Variants in RMDN2 observed in about 807,000 individuals in gnomAD.
RMDN2 encodes regulator of microtubule dynamics 2, also known as regulator of microtubule dynamics protein 2.
Under a neutral mutation model 52.8 loss-of-function variants are expected in RMDN2, and 61 were observed. That is an observed-to-expected ratio of 1.16 (90% CI 0.94 to 1.43). The LOEUF is 1.43. Among genes scored for constraint, RMDN2 ranks in the 40% most tolerant of loss-of-function variants. RMDN2 has a pLI of 0.00. For synonymous variants in RMDN2, 180 were observed against 153.1 expected, an observed-to-expected ratio of 1.18 and a Z score of -1.30; for missense variants, 592 against 475.3, an observed-to-expected ratio of 1.25 and a Z score of -2.28.
chr2:37,991,674 C>A (rs1156587967), intron 7 of RMDN2, among the ~76,000 whole-genome samples: 1 of 152,168 alleles, frequency 6.6e-6, no homozygotes, highest in Non-Finnish European at 1.5e-5. Context: ...TCCACACACA[C>A]ACCCTGTGTC....
At chr2:37,984,000 C>G (rs1290418198) in intron 5 of RMDN2, among the ~76,000 whole-genome samples, 1 of 152,190 alleles carries the variant, frequency 6.6e-6, no homozygotes, top group Non-Finnish European at 1.5e-5. Flanking sequence ...TCTGGCCCTA[C>G]TGCAAGAGTT....
chr2:37,977,874 C>A (rs921980341), intron 4 of RMDN2, among the ~76,000 whole-genome samples: 76 of 150,114 alleles, frequency 5.1e-4, no homozygotes, highest in African/African-American at 1.7e-3. Context: ...ACATCCCGGA[C>A]GATGGGCGGC....
intron 2 of RMDN2, among the ~76,000 whole-genome samples, chr2:37,945,333 A>T (rs1668135002): frequency 6.6e-6 from 1 of 152,238 alleles, no homozygotes; most frequent in African/African-American, 2.4e-5. Context: ...ACTCTTGTAG[A>T]TGAGTACAGT....
intron 8 of RMDN2, among the ~76,000 whole-genome samples, chr2:37,999,362 A>G (rs553063633): frequency 1.3e-5 from 2 of 152,288 alleles, no homozygotes; most frequent in South Asian, 4.1e-4. Context: ...TTACAAGTAA[A>G]TTGCTTAGAG....
intron 2 of RMDN2, among the ~76,000 whole-genome samples, chr2:37,958,233 G>T (rs1157943855): frequency 6.6e-6 from 1 of 152,112 alleles, no homozygotes; most frequent in Non-Finnish European, 1.5e-5. Flanking sequence ...AATTATTTGG[G>T]GCAGTATGGC....
chr2:38,026,986 A>G (rs1435873072), intron 10 of RMDN2: 2 of 151,990 alleles, frequency 1.3e-5, no homozygotes, highest in Non-Finnish European at 2.9e-5. Flanking sequence ...TAATGCCATC[A>G]TGGTCAGCAG....
At chr2:38,034,461 C>T (rs1680439638) in intron 10 of RMDN2, among the ~76,000 whole-genome samples, 1 of 152,118 alleles carries the variant, frequency 6.6e-6, no homozygotes, top group Non-Finnish European at 1.5e-5. Flanking sequence ...AACAGGTGAA[C>T]TTCCAGTGAT....
At chr2:37,969,261 G>A (rs1671483910) in intron 2 of RMDN2, among the ~76,000 whole-genome samples, 3 of 151,618 alleles carry the variant, frequency 2.0e-5, no homozygotes, top group Admixed American at 2.0e-4. Context: ...AATTCCATTG[G>A]AATTTTTCTC....
At chr2:37,993,222 G>T (rs564211572) in intron 7 of RMDN2, among the ~76,000 whole-genome samples, 1 of 152,124 alleles carries the variant, frequency 6.6e-6, no homozygotes, top group African/African-American at 2.4e-5. Flanking sequence ...ACCGCACCTG[G>T]CCCAGGCAGT....
chr2:37,998,170 T>A (rs1291217694), intron 8 of RMDN2: 3 of 152,236 alleles, frequency 2.0e-5, no homozygotes, highest in Admixed American at 6.5e-5. Flanking sequence ...CTGGAACCAG[T>A]TTCAAAATTT....
intron 10 of RMDN2, among the ~76,000 whole-genome samples, chr2:38,031,237 A>G (rs1032907854): frequency 1.3e-5 from 2 of 148,978 alleles, no homozygotes; most frequent in South Asian, 4.3e-4. Context: ...AGAGTTGCTC[A>G]TAGTCATACT....
At chr2:37,960,703 T>G (rs898772724) in intron 2 of RMDN2, among the ~76,000 whole-genome samples, 5 of 152,230 alleles carry the variant, frequency 3.3e-5, no homozygotes, top group Non-Finnish European at 5.9e-5. Flanking sequence ...AAGGTTAATA[T>G]TGTTATATGT....
downstream of RMDN2, among the ~76,000 whole-genome samples, chr2:38,019,649 T>C (rs1679189601): frequency 6.6e-6 from 1 of 152,196 alleles, no homozygotes; most frequent in Non-Finnish European, 1.5e-5. Context: ...TACTGTCATA[T>C]CTGTATTCCT....
chr2:38,017,019 T>C (rs1678890002), intron 10 of RMDN2, among the ~76,000 whole-genome samples, 167 bp from the exon 11 acceptor site: 1 of 152,112 alleles, frequency 6.6e-6, no homozygotes, highest in Non-Finnish European at 1.5e-5. Flanking sequence ...TAAAACACTG[T>C]CAATGTCCTG....
chr2:37,967,574 T>C (rs1211864701), intron 2 of RMDN2, among the ~76,000 whole-genome samples: 1 of 152,354 alleles, frequency 6.6e-6, no homozygotes, highest in South Asian at 2.1e-4. Context: ...GACCAAAGAA[T>C]GATGACATCT....
chr2:37,981,149 C>T (rs1373625393), intron 4 of RMDN2, 134 bp from the exon 5 acceptor site: 2 of 672,428 alleles, frequency 3.0e-6, no homozygotes, highest in Non-Finnish European at 5.4e-6. Context: ...CTGAAAAGTT[C>T]TTAAACAAAG....
intron 2 of RMDN2, among the ~76,000 whole-genome samples, chr2:37,940,086 A>G (rs1387851232): frequency 2.0e-5 from 3 of 152,306 alleles, no homozygotes; most frequent in South Asian, 4.1e-4. Flanking sequence ...GGTGGTGACA[A>G]AATCCCTCAG....
At chr2:37,922,195 T>C (rs1287154231), upstream of RMDN2, among the ~76,000 whole-genome samples, 2 of 152,236 alleles carry the variant, frequency 1.3e-5, no homozygotes, top group African/African-American at 2.4e-5. Flanking sequence ...TTCTGCTCTT[T>C]GAAGCGGGGG....
At chr2:37,993,462 G>T (rs1675091563) in intron 7 of RMDN2, among the ~76,000 whole-genome samples, 1 of 151,558 alleles carries the variant, frequency 6.6e-6, no homozygotes, top group Admixed American at 6.6e-5. Flanking sequence ...TAAAGTGTGT[G>T]TTAGTCTGAA....
Sources: allele counts gnomAD v4.1 joint callset (sites outside exome capture counted in the v4.1 genomes callset), GRCh38; gene constraint gnomAD v4.1.1; transcripts MANE v1.5; gene names NCBI Gene and HGNC (gene_info 2026-07-23, HGNC 2026-07-21).